The following COL8A2 variants were observed in gnomAD, a reference collection of about 807,000 sequenced individuals.
COL8A2 encodes the protein collagen type VIII alpha 2 chain.
COL8A2 carries 16 observed loss-of-function variants against 24.0 expected under a neutral mutation model. The observed-to-expected ratio is 0.67, with a 90% CI of 0.45 to 1.01. COL8A2 has a LOEUF of 1.01. COL8A2 is among the 50% of genes least tolerant of loss of function. The probability of loss-of-function intolerance (pLI) is 0.00; values close to 1 mark genes in which losing one functional copy is unlikely to be tolerated. For missense variants in COL8A2, 818 were observed against 942.4 expected, an observed-to-expected ratio of 0.87 and a Z score of 1.73; for synonymous variants, 466 against 424.5, an observed-to-expected ratio of 1.10 and a Z score of -1.20.
At chr1:36,102,307 G>A (rs1643688330) in intron 2 of COL8A2, among the ~76,000 whole-genome samples, 2 of 152,314 alleles carry the variant, frequency 1.3e-5, no homozygotes, top group South Asian at 2.1e-4. Context: ...CAAATCCATA[G>A]AGACAGAAAG....
rs1643655281 is a variant in COL8A2, at chr1:36,100,155, C to A, written c.88G>T (p.Gly30Cys). The change falls in exon 3 of 4, where the codon GGC becomes TGC. Residue 30 changes from glycine to cysteine, a missense_variant. Transcript: ENST00000397799. ...LGCGPRASSG[G>C]GAGGAAGYAP... ...TAGCCCGCCGCCCCACCGGCCCCGC[C>A]ACCAGAGGACGCCCGCGGCCCACAC... 11 of 1,612,430 alleles carry A rather than the reference C, an allele frequency of 6.8e-6. No homozygotes were observed. The highest frequency in any genetic ancestry group is 9.3e-6 in the Non-Finnish European group (11 of 1,179,504).
In COL8A2 at chr1:36,115,365, GGCGGCAGCA is replaced by G. The variant is rs1408578690; in HGVS notation, c.-17+334_-17+342del. On this transcript the variant is annotated intron_variant, in intron 2 of 3. Coordinates refer to ENST00000397799, the MANE Select transcript of COL8A2 (RefSeq NM_005202.4). The surrounding 1 kb of genome is among the most constrained non-coding windows in gnomAD (Gnocchi z 5.7). ...GGCCTCTGCGGCTACCCTGCGTGGT[GGCGGCAGCA>G]GCGGCAGCAGGAGGGGCTGGGCTGG... Among the ~76,000 whole-genome samples, 10 of 152,226 alleles carry G rather than the reference GGCGGCAGCA, an allele frequency of 6.6e-5. No homozygotes were observed. The highest frequency in any genetic ancestry group is 1.9e-4 in the African/African-American group (8 of 41,466).
intron 2 of COL8A2, among the ~76,000 whole-genome samples, chr1:36,102,058 G>A (rs1163036607): frequency 7.6e-5 from 11 of 145,618 alleles, no homozygotes; most frequent in Admixed American, 4.1e-4. Flanking sequence ...GGCGTGCTGT[G>A]GTCCCAGCTA....
chr1:36,098,198 C>G lies in COL8A2; in HGVS notation c.1483G>C (p.Gly495Arg), dbSNP rs1643606744. 6.5e-7 allele frequency: 1 copy of G among 1,537,028 alleles called. No individual in the cohort carries two copies. Among genetic ancestry groups the G allele is most frequent in the African/African-American group, 1.4e-5 (1 of 72,896 alleles). The change falls in exon 4 of 4, where the codon GGG becomes CGG. Residue 495 changes from glycine to arginine, a missense_variant. Transcript: ENST00000397799. ...EPGLPGPPGE[G>R]RAGEPGTAGP... Reference sequence around the variant, plus strand: ...GCCGTGCCAGGTTCCCCTGCTCTCCCCTCTCCAGGGGGCCCTGGCAGGCCT... The same window carrying G: ...GCCGTGCCAGGTTCCCCTGCTCTCCGCTCTCCAGGGGGCCCTGGCAGGCCT...
At chr1:36,109,803 G>A (rs115205314) in intron 2 of COL8A2, among the ~76,000 whole-genome samples, 4,548 of 151,886 alleles carry the variant, frequency 0.03, 235 homozygotes, top group East Asian at 0.24. Context: ...ACACCATGTT[G>A]TCTAGGATGG....
rs757960910 is a variant in COL8A2 at position 36,095,496 on chromosome 1, G to A, written c.*2073C>T. On this transcript the variant is annotated 3_prime_UTR_variant, in exon 4 of 4. Coordinates refer to ENST00000397799, the MANE Select transcript of COL8A2 (RefSeq NM_005202.4). ...ATATAAAAATGCACAAGGTAATGTC[G>A]TTTTCATAGTTAAAATCTGACATTG... 8 of 152,028 alleles carry A rather than the reference G, an allele frequency of 5.3e-5. No individual in the cohort carries two copies. The highest frequency in any genetic ancestry group is 3.9e-4 in the Admixed American group (6 of 15,254). The allele number at this position is 152,028 out of a possible 1,614,324, so 9.4% of individuals were successfully genotyped here. A position where few individuals can be genotyped will look rare whatever the true frequency, so the allele number is the denominator to read the frequency against.
chr1:36,124,438 C>T (rs985957926), intron 1 of COL8A2, among the ~76,000 whole-genome samples: 1 of 151,816 alleles, frequency 6.6e-6, no homozygotes, highest in Non-Finnish European at 1.5e-5. Flanking sequence ...AGCGGCCCCT[C>T]ACCCCCTGCA....
intron 1 of COL8A2, among the ~76,000 whole-genome samples, chr1:36,117,067 C>A (rs886911225): frequency 6.6e-6 from 1 of 152,224 alleles, no homozygotes; most frequent in Non-Finnish European, 1.5e-5. Context: ...CTGCAGGCCG[C>A]GTCACTCTCT....
chr1:36,105,614 C>T (rs1643747077), intron 2 of COL8A2, among the ~76,000 whole-genome samples: 2 of 152,200 alleles, frequency 1.3e-5, no homozygotes, highest in South Asian at 4.1e-4. Context: ...TACACGTAAT[C>T]CTCATACACG....
chr1:36,098,498 C>T lies in COL8A2; in HGVS notation c.1183G>A (p.Asp395Asn). The change falls in exon 4 of 4, where the codon GAC (aspartate) becomes AAC (asparagine). Residue 395 changes from aspartate to asparagine, a missense_variant. Coordinates refer to ENST00000397799, the MANE Select transcript of COL8A2 (RefSeq NM_005202.4). ...GPPGVPGIRG[D>N]QGPSGLAGKP... ...CCAGCCAGGCCACTAGGCCCCTGGT[C>T]ACCTCGAATGCCAGGCACTCCTGGG... 1 of 1,585,870 alleles carries T rather than the reference C, an allele frequency of 6.3e-7. No individual in the cohort carries two copies. Among genetic ancestry groups the T allele is most frequent in the Non-Finnish European group, 8.6e-7 (1 of 1,166,704 alleles).
In COL8A2 at chr1:36,098,544, A is replaced by G. The variant is rs77385288; in HGVS notation, c.1137T>C (p.Gly379=). The G allele has an allele frequency of 1.1e-3, 1,776 of 1,599,844 alleles. 13 individuals carry two copies. The African/African-American group carries it at 0.022, about 20-fold the overall frequency. The change falls in exon 4 of 4, where the codon GGT becomes GGC. Residue 379 remains glycine, a synonymous_variant. Transcript: ENST00000397799. ...CTGGGGGTCCTCCAGGCCCTGCCTCACCCTTAGGCCCAGGGGGCCCACGTC... is the reference window on the plus strand; with the variant it reads ...CTGGGGGTCCTCCAGGCCCTGCCTCGCCCTTAGGCCCAGGGGGCCCACGTC... ...PGRRGPPGPK[G]EAGPGGPPGV...
rs116407257 is a variant in COL8A2, at chr1:36,122,297, A to G, written c.-62+2760T>C. Among the ~76,000 whole-genome samples, 1,407 of 152,260 alleles carry G rather than the reference A, an allele frequency of 9.2e-3. 34 individuals carry two copies. The highest frequency in any genetic ancestry group is 0.032 in the African/African-American group (1,315 of 41,528). ...AAGTCCTAGATCTGTCTGACTCCCA[A>G]TGCCAGCTCATCTCCACACAGCACA... On this transcript the variant is annotated intron_variant, in intron 1 of 3. Transcript: ENST00000397799.
Position 36,099,021 on chromosome 1 carries a change from C to T in COL8A2, c.660G>A (p.Gly220=), listed in dbSNP as rs202184606. 2.8e-4 allele frequency: 432 copies of T among 1,558,086 alleles called. 1 individual carries two copies. The Middle Eastern group carries it at 9.0e-3, about 33-fold the overall frequency. Reference sequence around the variant, plus strand: ...CGGGGGGGCCGGGGGCACCCCCCTGCCCTGGGGCCCCAGGCAGCCCGGGCT... The same window carrying T: ...CGGGGGGGCCGGGGGCACCCCCCTGTCCTGGGGCCCCAGGCAGCCCGGGCT... ...VGQPGLPGAP[G]QGGAPGPPGL... The change falls in exon 4 of 4, where the codon GGG becomes GGA. Residue 220 remains glycine (G), a synonymous_variant. Coordinates refer to ENST00000397799, the MANE Select transcript of COL8A2 (RefSeq NM_005202.4).
At chr1:36,121,491 C>T (rs904896659) in intron 1 of COL8A2, among the ~76,000 whole-genome samples, 17 of 148,548 alleles carry the variant, frequency 1.1e-4, no homozygotes, top group Admixed American at 6.8e-4. Flanking sequence ...GAGGCCAAGG[C>T]GGGCGGATCA....
chr1:36,100,226 G>A lies in COL8A2; in HGVS notation c.17C>T (p.Thr6Ile), dbSNP rs1643657504. 2 of 1,570,128 alleles carry A rather than the reference G, an allele frequency of 1.3e-6. No homozygotes were observed. The highest frequency in any genetic ancestry group is 1.9e-5 in the Admixed American group (1 of 53,358). The stretch of plus-strand genomic sequence containing the variant: ...CAGCAGCAGCAGCGAAGACAGGGGT[G>A]TCAGAGTCCCCAGCATGGCGTCCGT... MLGTLTPLSSLLLLLL... is the reference protein window; with the variant it reads MLGTLIPLSSLLLLLL... Residue 6 changes from threonine (T) to isoleucine (I), a missense_variant, in exon 3 of 4, where the codon ACA (threonine) becomes ATA (isoleucine). Physicochemically the swap from Thr to Ile is moderately conservative, Grantham distance 89. This residue lies in a region of COL8A2 where 573 missense variants were observed against 616.8 expected (regional missense o/e 0.93). Coordinates refer to ENST00000397799, the MANE Select transcript of COL8A2 (RefSeq NM_005202.4).
rs1471607934 is a variant in COL8A2, at chr1:36,098,316, C to T, written c.1365G>A (p.Gln455=). The change falls in exon 4 of 4, where the codon CAG becomes CAA. Residue 455 remains glutamine (Q), a synonymous_variant. Transcript: ENST00000397799. ...GQKGDLGLPG[Q]PGLRGPSGIP... ...TTCCTGAGGGACCCCTCAGGCCAGG[C>T]TGCCCAGGGAGCCCCAAGTCACCTT... is the stretch of plus-strand genomic sequence containing the variant. 1 of 1,548,024 alleles carries T rather than the reference C, an allele frequency of 6.5e-7. No individual in the cohort carries two copies. Among genetic ancestry groups the T allele is most frequent in the South Asian group, 1.2e-5 (1 of 84,034 alleles).
chr1:36,102,178 A>G (rs1412425266), intron 2 of COL8A2, among the ~76,000 whole-genome samples: 1 of 152,202 alleles, frequency 6.6e-6, no homozygotes, highest in East Asian at 1.9e-4. Flanking sequence ...ATATATATAT[A>G]TAAAAGGAAG....
At position 36,099,245 on chromosome 1, in the gene COL8A2, G is replaced by A; in HGVS notation, c.436C>T (p.Pro146Ser). The change falls in exon 4 of 4, where the codon CCA (proline) becomes TCA (serine). Residue 146 changes from proline (P) to serine (S), a missense_variant. This residue lies in a region of COL8A2 where 573 missense variants were observed against 616.8 expected (regional missense o/e 0.93). Coordinates refer to ENST00000397799, the MANE Select transcript of COL8A2 (RefSeq NM_005202.4). ...PPGQPGLRGE[P>S]GIRGDQGLRG... is the part of the protein sequence containing the mutation. ...AGGCCCTGGTCCCCTCGTATTCCTG[G>A]CTCCCCCCGAAGCCCCGGCTGCCCT... 1 of 1,547,720 alleles carries A rather than the reference G, an allele frequency of 6.5e-7. No individual in the cohort carries two copies. Among genetic ancestry groups the A allele is most frequent in the Non-Finnish European group, 8.7e-7 (1 of 1,145,976 alleles).
Position 36,098,357 on chromosome 1 carries a change from C to T in COL8A2, c.1324G>A (p.Gly442Arg). ...TGRPGGPGVA[G>R]ALGQKGDLGL... is the part of the protein sequence containing the mutation. ...AAGTCACCTTTCTGCCCCAGGGCTC[C>T]TGCCACCCCTGGTCCTCCAGGGCGA... is the stretch of plus-strand genomic sequence containing the variant. The change falls in exon 4 of 4, where the codon GGA becomes AGA. Residue 442 changes from glycine to arginine, a missense_variant. Transcript: ENST00000397799. 1 of 1,551,754 alleles carries T rather than the reference C, an allele frequency of 6.4e-7. No individual in the cohort carries two copies. Among genetic ancestry groups the T allele is most frequent in the Non-Finnish European group, 8.7e-7 (1 of 1,148,066 alleles).
Sources: gnomAD v4.1 joint callset for allele counts (sites outside exome capture counted in the v4.1 genomes callset) on GRCh38, gnomAD v4.1.1 for gene constraint, gnomAD v4.1.1 regional missense constraint, Gnocchi (gnomAD v3.1) non-coding constraint, MANE v1.5 for transcripts, NCBI Gene and HGNC (gene_info 2026-07-23, HGNC 2026-07-21) for gene names.